CLSTN1: variants seen among roughly 807,000 people sequenced by gnomAD.
CLSTN1 encodes the protein calsyntenin-1.
In CLSTN1, 28 loss-of-function variants were observed where a neutral mutation model predicts 108.3. The observed-to-expected ratio is 0.26, with a 90% confidence interval of 0.19 to 0.35. The LOEUF is 0.35. Ranked by LOEUF, CLSTN1 falls within the 10% of genes least tolerant of loss-of-function variation. The probability of loss-of-function intolerance (pLI) is 1.00; values close to 1 mark genes in which losing one functional copy is unlikely to be tolerated. For missense variants in CLSTN1, 1,157 were observed against 1,302.6 expected, an observed-to-expected ratio of 0.89 and a Z score of 1.72; for synonymous variants, 524 against 534.9, an observed-to-expected ratio of 0.98 and a Z score of 0.28.
chr1:9,769,497 G>A (rs1280256479), intron 2 of CLSTN1, among the ~76,000 whole-genome samples: 2 of 152,168 alleles, frequency 1.3e-5, no homozygotes, highest in Non-Finnish European at 2.9e-5. Flanking sequence ...ACCTAACACA[G>A]GTAAACTGTG....
chr1:9,783,221 T>C (rs1653331133), intron 1 of CLSTN1, among the ~76,000 whole-genome samples: 1 of 152,210 alleles, frequency 6.6e-6, no homozygotes, highest in Non-Finnish European at 1.5e-5. Flanking sequence ...TTTTAGACTT[T>C]ACAAAGATGG....
chr1:9,768,774 G>A (rs1424393728), intron 2 of CLSTN1, among the ~76,000 whole-genome samples: 1 of 111,056 alleles, frequency 9.0e-6, no homozygotes. Flanking sequence ...TGTGTTGGGT[G>A]ACACCATGGG....
At position 9,819,587 on chromosome 1, in the gene CLSTN1, A is replaced by G. The variant is rs559147958; in HGVS notation, c.91+4056T>C. On this transcript the variant is annotated intron_variant, in intron 1 of 18. Transcript: ENST00000377298. Reference sequence around the variant, plus strand: ...ACCTCCTAAACCTTCCTTTTGAAAAATAATTCCTATAAAACTGCTTGGTTT... The same window carrying G: ...ACCTCCTAAACCTTCCTTTTGAAAAGTAATTCCTATAAAACTGCTTGGTTT... Among the ~76,000 whole-genome samples, 5 of 152,330 alleles carry G rather than the reference A, an allele frequency of 3.3e-5. No individual in the cohort carries two copies. The South Asian group carries it at 1.0e-3, about 32-fold the overall frequency.
intron 1 of CLSTN1, among the ~76,000 whole-genome samples, chr1:9,807,246 TCA>T (rs1654547991): frequency 6.6e-6 from 1 of 152,062 alleles, no homozygotes; most frequent in Non-Finnish European, 1.5e-5. Context: ...CCTGTCCACG[TCA>T]CACACCTAGG....
intron 1 of CLSTN1, among the ~76,000 whole-genome samples, chr1:9,779,447 C>A (rs1183261703): frequency 6.6e-6 from 1 of 152,042 alleles, no homozygotes; most frequent in East Asian, 1.9e-4. Flanking sequence ...ATCCCAGCTA[C>A]TCAGGAGGCT....
chr1:9,793,406 G>T (rs148236028), intron 1 of CLSTN1, among the ~76,000 whole-genome samples: 45 of 151,512 alleles, frequency 3.0e-4, no homozygotes, highest in African/African-American at 8.9e-4. Flanking sequence ...GCCGTAATGG[G>T]GCGCCAGGCA....
At chr1:9,772,601 G>A (rs1652746746) in intron 2 of CLSTN1, among the ~76,000 whole-genome samples, 1 of 152,186 alleles carries the variant, frequency 6.6e-6, no homozygotes, top group East Asian at 1.9e-4. Context: ...AGGACCCAAC[G>A]TGAAGCCAGA....
intron 7 of CLSTN1, among the ~76,000 whole-genome samples, chr1:9,745,177 C>T (rs555780509): frequency 8.7e-5 from 13 of 149,002 alleles, no homozygotes; most frequent in Admixed American, 2.7e-4. Context: ...TGCAGTGAGC[C>T]GAGATCGCAC....
chr1:9,750,068 C>T (rs569498546), intron 5 of CLSTN1, 155 bp from the exon 6 acceptor site: 2 of 622,648 alleles, frequency 3.2e-6, no homozygotes, highest in East Asian at 5.6e-5. Context: ...TCAACCTGTC[C>T]TCCCTGAGCC....
In CLSTN1 at chr1:9,777,631, A is replaced by T. The variant is rs1653020711; in HGVS notation, c.92-4237T>A. 3.3e-5 allele frequency among the ~76,000 whole-genome samples: 5 copies of T among 152,218 alleles called. No homozygotes were observed. The South Asian group carries it at 1.0e-3, about 31-fold the overall frequency. On this transcript the variant is annotated intron_variant, in intron 1 of 18. Transcript: ENST00000377298. ...CATAAACAATATTTTTATGAAAATA[A>T]CTTTTTGAAAACAAAGCTTACTAAG...
At chr1:9,752,294 G>A (rs1318353368) in intron 4 of CLSTN1, among the ~76,000 whole-genome samples, 1 of 152,140 alleles carries the variant, frequency 6.6e-6, no homozygotes, top group Non-Finnish European at 1.5e-5. Flanking sequence ...AAATTAGGGT[G>A]TCATCAGACC....
intron 1 of CLSTN1, among the ~76,000 whole-genome samples, chr1:9,790,028 TA>T (rs1653688435): frequency 6.6e-6 from 1 of 151,440 alleles, no homozygotes; most frequent in Non-Finnish European, 1.5e-5. Flanking sequence ...CAGTATTACC[TA>T]AAATTTCACA....
At chr1:9,814,722 C>A (rs1654902859) in intron 1 of CLSTN1, among the ~76,000 whole-genome samples, 1 of 152,052 alleles carries the variant, frequency 6.6e-6, no homozygotes, top group Non-Finnish European at 1.5e-5. Flanking sequence ...CCAGCCTGGG[C>A]AACATAGGAA....
chr1:9,803,899 G>C (rs531017731), intron 1 of CLSTN1, among the ~76,000 whole-genome samples: 1 of 152,134 alleles, frequency 6.6e-6, no homozygotes, highest in Admixed American at 6.6e-5. Flanking sequence ...GAGGAAAAAC[G>C]AAAGTGGTAA....
rs1323416548 is a variant in CLSTN1, at chr1:9,823,370, G to C, written c.91+273C>G. Among the ~76,000 whole-genome samples, 1 of 152,108 alleles carries C rather than the reference G, an allele frequency of 6.6e-6. No individual in the cohort carries two copies. Among genetic ancestry groups the C allele is most frequent in the African/African-American group, 2.4e-5 (1 of 41,428 alleles). On this transcript the variant is annotated intron_variant, in intron 1 of 18. Coordinates refer to ENST00000377298, the MANE Select transcript of CLSTN1 (RefSeq NM_001009566.3). The surrounding 1 kb of genome is among the most constrained non-coding windows in gnomAD (Gnocchi z 6.3). ...CAGCCCAGGCTCAGGAGCCCCGCCC[G>C]GGACGGAGCCTGGCTTCCCCGGGAC...
rs1229839105 is a variant in CLSTN1, at chr1:9,734,492, T to C, written c.2111-350A>G. On this transcript the variant is annotated intron_variant, in intron 14 of 18. Coordinates refer to ENST00000377298, the MANE Select transcript of CLSTN1 (RefSeq NM_001009566.3). This position sits in a 1 kb window ranked among gnomAD's most constrained non-coding sequence, Gnocchi z 4.8. ...CGGGAGGCTGAGGCAGGAGAATCGC[T>C]TGAACTCAGGAGGTGGATGCTGCAG... 1.3e-5 allele frequency among the ~76,000 whole-genome samples: 2 copies of C among 151,712 alleles called. No individual in the cohort carries two copies. The highest frequency in any genetic ancestry group is 2.9e-5 in the Non-Finnish European group (2 of 67,930).
At chr1:9,796,441 C>T (rs1040913864) in intron 1 of CLSTN1, among the ~76,000 whole-genome samples, 1 of 150,486 alleles carries the variant, frequency 6.6e-6, no homozygotes, top group Non-Finnish European at 1.5e-5. Context: ...CTTTGGGAGG[C>T]CGAAGCGGGT....
At chr1:9,731,104 G>A (rs776444211) in intron 18 of CLSTN1, 102 bp downstream of exon 18, 12 of 1,366,822 alleles carry the variant, frequency 8.8e-6, no homozygotes, top group East Asian at 4.6e-5. Flanking sequence ...CAGATGACGC[G>A]ATGGAAAGCA....
At position 9,730,898 on chromosome 1, in the gene CLSTN1, G is replaced by A. The variant is rs373806543; in HGVS notation, c.2749-193C>T. Among the ~76,000 whole-genome samples the A allele has an allele frequency of 1.8e-4, 28 of 152,254 alleles. No homozygotes were observed. The highest frequency in any genetic ancestry group is 6.3e-4 in the African/African-American group (26 of 41,546). The stretch of plus-strand genomic sequence containing the variant: ...AAACAAAGCTCCAGTCAGCACCCAC[G>A]GAGTCACCCACATACAAAGCAGCTT... On this transcript the variant is annotated intron_variant, in intron 18 of 18. Transcript: ENST00000377298. The surrounding 1 kb of genome is among the most constrained non-coding windows in gnomAD (Gnocchi z 5.6).
Sources: gnomAD v4.1 joint callset for allele counts (sites outside exome capture counted in the v4.1 genomes callset) on GRCh38, gnomAD v4.1.1 for gene constraint, Gnocchi (gnomAD v3.1) non-coding constraint, MANE v1.5 for transcripts, NCBI Gene and HGNC (gene_info 2026-07-23, HGNC 2026-07-21) for gene names.